MAPKAP1: variants seen among roughly 807,000 people sequenced by gnomAD.
MAPKAP1 encodes MAPK associated protein 1.
A neutral mutation model predicts 65.7 loss-of-function variants in MAPKAP1; 20 were observed. That is an observed-to-expected ratio of 0.30 (90% CI 0.21 to 0.44). The LOEUF (loss-of-function observed/expected upper bound fraction) is 0.44. Among genes scored for constraint, MAPKAP1 ranks in the 20% least tolerant of loss-of-function variants. The probability of loss-of-function intolerance (pLI) is 1.00; values close to 1 mark genes in which losing one functional copy is unlikely to be tolerated. For synonymous variants in MAPKAP1, 222 were observed against 244.3 expected (o/e 0.91, Z 0.85); for missense variants, 423 against 648.0 (o/e 0.65, Z 3.77).
At chr9:125,487,615 T>A (rs1305198361) in intron 8 of MAPKAP1, among the ~76,000 whole-genome samples, 36 of 126,778 alleles carry the variant, frequency 2.8e-4, no homozygotes, top group East Asian at 2.5e-4. Flanking sequence ...TGCCAATTAC[T>A]AAAAAAAAAA....
chr9:125,468,679 G>A (rs1173160200), intron 9 of MAPKAP1, among the ~76,000 whole-genome samples: 1 of 152,192 alleles, frequency 6.6e-6, no homozygotes, highest in Non-Finnish European at 1.5e-5. Context: ...TTTAAGGGAA[G>A]TCACGAGAGG....
chr9:125,466,956 A>C (rs1304720925), intron 10 of MAPKAP1, among the ~76,000 whole-genome samples: 3 of 152,192 alleles, frequency 2.0e-5, no homozygotes, highest in Admixed American at 6.5e-5. Flanking sequence ...TATTACAAAC[A>C]CTCGCTGGCC....
intron 4 of MAPKAP1, among the ~76,000 whole-genome samples, chr9:125,638,681 T>C (rs1292315725): frequency 6.6e-6 from 1 of 152,208 alleles, no homozygotes; most frequent in Non-Finnish European, 1.5e-5. Flanking sequence ...CCCTCAATCA[T>C]TCGGGCCTGA....
chr9:125,609,265 C>T (rs1832529078), intron 4 of MAPKAP1, among the ~76,000 whole-genome samples: 1 of 152,094 alleles, frequency 6.6e-6, no homozygotes, highest in Admixed American at 6.6e-5. Flanking sequence ...AACAAGTTTC[C>T]TTCCCCTAAA....
rs976227550 is a variant in MAPKAP1 at position 125,457,251 on chromosome 9, A to G, written c.1345+10721T>C. ...TGATCTACCCACCTCGGCCTCCCAA[A>G]GTACTGGGATTATAGGCATGAGCCA... On this transcript the variant is annotated intron_variant, in intron 10 of 11. Coordinates refer to ENST00000265960, the MANE Select transcript of MAPKAP1 (RefSeq NM_001006617.3). 2.0e-5 allele frequency among the ~76,000 whole-genome samples: 3 copies of G among 152,186 alleles called. No homozygotes were observed. In the South Asian group the frequency reaches 6.2e-4, roughly 32 times the overall value.
intron 10 of MAPKAP1, among the ~76,000 whole-genome samples, chr9:125,453,388 TA>T (rs1853036529): frequency 6.6e-6 from 1 of 152,262 alleles, no homozygotes; most frequent in African/African-American, 2.4e-5. Context: ...GAAATCTCTT[TA>T]ACATTTGGTT....
intron 7 of MAPKAP1, among the ~76,000 whole-genome samples, chr9:125,514,734 T>G (rs573894028): frequency 1.2e-4 from 18 of 152,142 alleles, no homozygotes; most frequent in Non-Finnish European, 2.6e-4. Flanking sequence ...CAGCTTTATA[T>G]TTTGGTGAGA....
rs141692295 is a variant in MAPKAP1 at position 125,673,192 on chromosome 9, T to C, written c.-69-549A>G. Among the ~76,000 whole-genome samples, 1,173 of 152,294 alleles carry C rather than the reference T, an allele frequency of 7.7e-3. 7 individuals carry two copies. The highest frequency in any genetic ancestry group is 0.017 in the Middle Eastern group (5 of 294). ...AATTAATGTTGCTCAATGAATATAT[T>C]TTCCTGTCAAGATAGTATTGTGTTT... is the stretch of plus-strand genomic sequence containing the variant. On this transcript the variant is annotated intron_variant, in intron 1 of 11. Transcript: ENST00000265960.
chr9:125,494,419 C>CT (rs1188866184), intron 8 of MAPKAP1, among the ~76,000 whole-genome samples: 1 of 152,172 alleles, frequency 6.6e-6, no homozygotes, highest in Non-Finnish European at 1.5e-5. Context: ...GGGATCTTTG[C>CT]TGTCAGTGCT....
At chr9:125,556,170 A>C (rs1830729114) in intron 6 of MAPKAP1, among the ~76,000 whole-genome samples, 1 of 152,216 alleles carries the variant, frequency 6.6e-6, no homozygotes. Context: ...CTGATCTGTG[A>C]GGTAGGTATT....
At chr9:125,462,853 C>A (rs933427298) in intron 10 of MAPKAP1, among the ~76,000 whole-genome samples, 2 of 152,186 alleles carry the variant, frequency 1.3e-5, no homozygotes, top group African/African-American at 2.4e-5. Context: ...TCACTTCTAG[C>A]CAGTATGAAT....
chr9:125,658,646 T>C (rs1001249874), intron 3 of MAPKAP1, among the ~76,000 whole-genome samples: 12 of 152,246 alleles, frequency 7.9e-5, no homozygotes, highest in South Asian at 6.2e-4. Context: ...GAATGAATGA[T>C]TGAAATAATT....
In MAPKAP1 at chr9:125,458,749, G is replaced by A. The variant is rs551032041; in HGVS notation, c.1345+9223C>T. 2.0e-5 allele frequency among the ~76,000 whole-genome samples: 3 copies of A among 149,292 alleles called. No homozygotes were observed. In the Admixed American group the frequency reaches 2.0e-4, roughly 10 times the overall value. Reference sequence around the variant, plus strand: ...CTGTTGGGTACACCTCCCAGATGGTGTGGTGGCTGGGCAGAGGGGCTCTTC... The same window carrying A: ...CTGTTGGGTACACCTCCCAGATGGTATGGTGGCTGGGCAGAGGGGCTCTTC... On this transcript the variant is annotated intron_variant, in intron 10 of 11. Coordinates refer to ENST00000265960, the MANE Select transcript of MAPKAP1 (RefSeq NM_001006617.3).
At chr9:125,633,834 T>C (rs16928344) in intron 4 of MAPKAP1, among the ~76,000 whole-genome samples, 9,181 of 152,296 alleles carry the variant, frequency 0.06, 830 homozygotes, top group African/African-American at 0.2. Flanking sequence ...TTTCAGCTCA[T>C]GCATCCTAAA....
In MAPKAP1 at chr9:125,687,228, G is replaced by T. The variant is rs1404328222; in HGVS notation, c.-69-14585C>A. ...TTATCTTCAGAGTGTTATCATAAAA[G>T]AAACTAATATTAACAGAAAATGAAA... On this transcript the variant is annotated intron_variant, in intron 1 of 11. Transcript: ENST00000265960. Among the ~76,000 whole-genome samples, 3 of 150,274 alleles carry T rather than the reference G, an allele frequency of 2.0e-5. No individual in the cohort carries two copies. The East Asian group carries it at 5.9e-4, about 29-fold the overall frequency.
Position 125,444,388 on chromosome 9 carries a change from C to T in MAPKAP1, c.1443+113G>A, listed in dbSNP as rs904244114. On this transcript the variant is annotated intron_variant, in intron 11 of 11. Coordinates refer to ENST00000265960, the MANE Select transcript of MAPKAP1 (RefSeq NM_001006617.3). Reference sequence around the variant, plus strand: ...ACACTCCTCCTCTGCCAAACTGGGCCCGGGAACCTTCTATAGAGCTGCGGA... The same window carrying T: ...ACACTCCTCCTCTGCCAAACTGGGCTCGGGAACCTTCTATAGAGCTGCGGA... 20 of 804,788 alleles carry T rather than the reference C, an allele frequency of 2.5e-5. 1 individual carries two copies. The Admixed American group carries it at 5.1e-4, about 21-fold the overall frequency. 49.9% of individuals were successfully genotyped at this position (804,788 alleles called of 1,614,324 possible). A position where few individuals can be genotyped will look rare whatever the true frequency, so the allele number is the denominator to read the frequency against.
rs181830387 is a variant in MAPKAP1, at chr9:125,513,838, A to C, written c.959-7421T>G. 4.6e-3 allele frequency among the ~76,000 whole-genome samples: 708 copies of C among 152,300 alleles called. 11 individuals carry two copies. Among genetic ancestry groups the C allele is most frequent in the East Asian group, 0.031 (160 of 5,182 alleles). On this transcript the variant is annotated intron_variant, in intron 7 of 11. Transcript: ENST00000265960. Reference sequence around the variant, plus strand: ...TCTGTGCTCTTTCCCTCGTGTGTCCAAAGTAGGGGTGCAGGGTGCATATCT... The same window carrying C: ...TCTGTGCTCTTTCCCTCGTGTGTCCCAAGTAGGGGTGCAGGGTGCATATCT...
chr9:125,671,265 T>C (rs1834489851), intron 2 of MAPKAP1, among the ~76,000 whole-genome samples: 1 of 152,216 alleles, frequency 6.6e-6, no homozygotes, highest in East Asian at 1.9e-4. Context: ...TGGGAAATGC[T>C]ATTAATTATT....
At chr9:125,578,117 G>C (rs538838254) in intron 5 of MAPKAP1, among the ~76,000 whole-genome samples, 7 of 152,220 alleles carry the variant, frequency 4.6e-5, no homozygotes, top group East Asian at 1.9e-4. Flanking sequence ...GGATCCTGTT[G>C]ATCTATGACC....
Sources: allele counts gnomAD v4.1 joint callset (sites outside exome capture counted in the v4.1 genomes callset), GRCh38; gene constraint gnomAD v4.1.1; transcripts MANE v1.5; gene names NCBI Gene and HGNC (gene_info 2026-07-23, HGNC 2026-07-21).